ZNF423: variants seen among roughly 807,000 people sequenced by gnomAD.
ZNF423 encodes the protein zinc finger protein 423, also known as Ebf-associated zinc finger protein.
A neutral mutation model predicts 95.8 loss-of-function variants in ZNF423; 12 were observed. The ratio of observed to expected loss-of-function variants is 0.13; its 90% CI spans 0.08 to 0.20. ZNF423 has a LOEUF of 0.20. ZNF423 is among the 10% of genes least tolerant of loss of function. The pLI is 1.00. For missense variants in ZNF423, 1,316 were observed against 1,737.1 expected (o/e 0.76, Z 4.31); for synonymous variants, 749 against 711.9 (o/e 1.05, Z -0.83).
intron 7 of ZNF423, among the ~76,000 whole-genome samples, chr16:49,508,845 C>G (rs1218197209): frequency 2.0e-5 from 3 of 152,126 alleles, no homozygotes; most frequent in African/African-American, 4.8e-5. Flanking sequence ...TTTATTTACC[C>G]TAGAACCCCA....
intron 3 of ZNF423, among the ~76,000 whole-genome samples, chr16:49,710,234 T>G (rs556092030): frequency 6.6e-6 from 1 of 152,340 alleles, no homozygotes; most frequent in Non-Finnish European, 1.5e-5. Context: ...TGTCTAGTTT[T>G]GGACCCTAAA....
chr16:49,528,344 GCA>G (rs1325684644), intron 5 of ZNF423, among the ~76,000 whole-genome samples: 1 of 152,166 alleles, frequency 6.6e-6, no homozygotes, highest in Non-Finnish European at 1.5e-5. Flanking sequence ...ATAAATATGT[GCA>G]CAGTCAGGCA....
In ZNF423 at chr16:49,684,689, T is replaced by C. The variant is rs564730418; in HGVS notation, c.302-45815A>G. Among the ~76,000 whole-genome samples the C allele has an allele frequency of 9.2e-5, 14 of 152,264 alleles. 1 individual carries two copies. The East Asian group carries it at 1.2e-3, about 13-fold the overall frequency. ...CAAATCTAGGACCCAAGAGCAGCAGTCCAGTTCATGTAGGGGGTGGAACCC... is the reference window on the plus strand; with the variant it reads ...CAAATCTAGGACCCAAGAGCAGCAGCCCAGTTCATGTAGGGGGTGGAACCC... On this transcript the variant is annotated intron_variant, in intron 3 of 7. Transcript: ENST00000563137.
rs564845173 is a variant in ZNF423, at chr16:49,503,621, A to G, written c.3850-12317T>C. Among the ~76,000 whole-genome samples the G allele has an allele frequency of 2.0e-5, 3 of 152,200 alleles. No individual in the cohort carries two copies. In the South Asian group the frequency reaches 6.2e-4, roughly 32 times the overall value. The stretch of plus-strand genomic sequence containing the variant: ...CCGCTGACCACAGACTCCCATCACA[A>G]CATCGCTCTGCACCTTGCAGAGGCT... On this transcript the variant is annotated intron_variant, in intron 7 of 7. Coordinates refer to ENST00000563137, the MANE Select transcript of ZNF423 (RefSeq NM_001379286.1).
At chr16:49,491,922 C>T (rs1596989847) in intron 7 of ZNF423, among the ~76,000 whole-genome samples, 2 of 152,302 alleles carry the variant, frequency 1.3e-5, no homozygotes, top group Admixed American at 1.3e-4. Flanking sequence ...TGCTGGGCTC[C>T]GGGAGCCTGC....
At chr16:49,805,239 CCCACCTT>C (rs1228827954) in intron 1 of ZNF423, among the ~76,000 whole-genome samples, 3 of 152,130 alleles carry the variant, frequency 2.0e-5, no homozygotes, top group Non-Finnish European at 2.9e-5. Context: ...TCCTCTTTCT[CCCACCTT>C]CCAGTTCACT....
At chr16:49,586,804 G>C (rs1045117797) in intron 5 of ZNF423, among the ~76,000 whole-genome samples, 1 of 152,166 alleles carries the variant, frequency 6.6e-6, no homozygotes, top group Non-Finnish European at 1.5e-5. Context: ...CCGGGAGCTG[G>C]GACCTCCGAG....
intron 5 of ZNF423, among the ~76,000 whole-genome samples, chr16:49,544,391 T>A (rs1005040728): frequency 5.9e-5 from 9 of 152,164 alleles, no homozygotes; most frequent in African/African-American, 2.2e-4. Flanking sequence ...AACAAAGTTT[T>A]AAAAAACCCT....
chr16:49,668,260 G>A (rs946532990), intron 3 of ZNF423, among the ~76,000 whole-genome samples: 1 of 152,132 alleles, frequency 6.6e-6, no homozygotes, highest in Non-Finnish European at 1.5e-5. Flanking sequence ...AGGCCTTACT[G>A]TAAAATGGGA....
intron 1 of ZNF423, among the ~76,000 whole-genome samples, chr16:49,830,402 G>A (rs1408320717): frequency 6.6e-6 from 1 of 152,120 alleles, no homozygotes; most frequent in Non-Finnish European, 1.5e-5. Context: ...ACAGTGCTGG[G>A]TGCTCCCCAG....
intron 1 of ZNF423, among the ~76,000 whole-genome samples, chr16:49,825,874 C>A (rs1456190873): frequency 6.6e-6 from 1 of 152,192 alleles, no homozygotes; most frequent in Non-Finnish European, 1.5e-5. Flanking sequence ...GAGGGACCAA[C>A]AAGGTTTCAG....
intron 7 of ZNF423, among the ~76,000 whole-genome samples, chr16:49,515,739 A>G (rs1278507242): frequency 1.3e-5 from 2 of 152,170 alleles, no homozygotes; most frequent in African/African-American, 4.8e-5. Context: ...TAAGCCGCAT[A>G]TGACCCTCAT....
chr16:49,763,304 G>C (rs2033865615), intron 2 of ZNF423, among the ~76,000 whole-genome samples: 1 of 150,458 alleles, frequency 6.6e-6, no homozygotes, highest in Non-Finnish European at 1.5e-5. Context: ...TTTGAGACAG[G>C]GTCTCACTCT....
intron 5 of ZNF423, among the ~76,000 whole-genome samples, chr16:49,611,832 GAAT>G (rs1971733954): frequency 2.6e-5 from 4 of 151,782 alleles, no homozygotes; most frequent in African/African-American, 2.4e-5. Context: ...GACATCAAAA[GAAT>G]AATAAGGGAA....
At chr16:49,755,189 G>A (rs1449353055) in intron 2 of ZNF423, among the ~76,000 whole-genome samples, 4 of 152,218 alleles carry the variant, frequency 2.6e-5, no homozygotes, top group Non-Finnish European at 4.4e-5. Flanking sequence ...CAGGACCCCA[G>A]GAGGGGTCTC....
At chr16:49,640,120 G>A (rs1001878597) in intron 3 of ZNF423, among the ~76,000 whole-genome samples, 32 of 152,068 alleles carry the variant, frequency 2.1e-4, no homozygotes, top group African/African-American at 7.7e-4. Context: ...CACTGCCCCC[G>A]CCTCTCCAGC....
chr16:49,749,735 G>A (rs562293952), intron 2 of ZNF423, among the ~76,000 whole-genome samples: 174 of 151,372 alleles, frequency 1.1e-3, no homozygotes, highest in African/African-American at 4.1e-3. Flanking sequence ...TTCGTCTGGA[G>A]GGAAATCACA....
intron 3 of ZNF423, among the ~76,000 whole-genome samples, chr16:49,643,864 A>G (rs1274769053): frequency 6.6e-6 from 1 of 152,226 alleles, no homozygotes; most frequent in Admixed American, 6.5e-5. Context: ...TTGAAAAAAG[A>G]ACATTAACTG....
chr16:49,792,152 A>C (rs2034427028), intron 1 of ZNF423, among the ~76,000 whole-genome samples: 1 of 151,816 alleles, frequency 6.6e-6, no homozygotes, highest in African/African-American at 2.4e-5. Flanking sequence ...TGCAGGTATC[A>C]GGGCATTAAT....
Sources: allele counts gnomAD v4.1 joint callset (sites outside exome capture counted in the v4.1 genomes callset), GRCh38; gene constraint gnomAD v4.1.1; transcripts MANE v1.5; gene names NCBI Gene and HGNC (gene_info 2026-07-23, HGNC 2026-07-21).